The following USP22 variants were observed in gnomAD, a reference collection of about 807,000 sequenced individuals.
USP22 encodes the protein ubiquitin carboxyl-terminal hydrolase 22.
USP22 carries 22 observed loss-of-function variants against 68.1 expected under a neutral mutation model. The observed-to-expected ratio is 0.32, with a 90% CI of 0.23 to 0.46. The LOEUF is 0.46. Among genes scored for constraint, USP22 ranks in the 20% least tolerant of loss-of-function variants. The pLI is 1.00. For synonymous variants in USP22, 279 were observed against 274.2 expected (o/e 1.02, Z -0.17); for missense variants, 433 against 695.8 (o/e 0.62, Z 4.25).
chr17:21,024,288 T>G (rs997424162), intron 2 of USP22, among the ~76,000 whole-genome samples: 1 of 152,138 alleles, frequency 6.6e-6, no homozygotes, highest in African/African-American at 2.4e-5. Flanking sequence ...AGCCCACACA[T>G]GTAGCTGACA....
chr17:21,004,783 G>A (rs1456310584), intron 11 of USP22, 145 bp downstream of exon 11: 2 of 143,072 alleles, frequency 1.4e-5, no homozygotes, highest in African/African-American at 6.9e-5. Context: ...GGAGCTGCGG[G>A]CAGCCAATAG....
At chr17:21,013,122 T>G (rs1447233527) in intron 6 of USP22, among the ~76,000 whole-genome samples, 187 bp from the exon 7 acceptor site, 1 of 152,198 alleles carries the variant, frequency 6.6e-6, no homozygotes, top group East Asian at 1.9e-4. Flanking sequence ...ATCACAGCAC[T>G]TGGATTTTCA....
At chr17:21,027,331 G>T (rs377745675) in intron 2 of USP22, among the ~76,000 whole-genome samples, 13 of 129,752 alleles carry the variant, frequency 1.0e-4, no homozygotes, top group Admixed American at 7.8e-4. Flanking sequence ...TATCTGTGTC[G>T]TCAGCCTCAG....
Position 21,004,777 on chromosome 17 carries a change from CTGCGGGCAGCCAATAG to C in USP22, c.1385+135_1385+150del. 4 of 87,220 alleles carry C rather than the reference CTGCGGGCAGCCAATAG, an allele frequency of 4.6e-5. 1 individual carries two copies. The highest frequency in any genetic ancestry group is 9.5e-5 in the Non-Finnish European group (3 of 31,450). 5.4% of individuals were successfully genotyped at this position (87,220 alleles called of 1,614,324 possible). A position where few individuals can be genotyped will look rare whatever the true frequency, so the allele number is the denominator to read the frequency against. ...CGTGGAGCGGCCTTTCCTAGTGGAG[CTGCGGGCAGCCAATAG>C]TGGAGCTGCGGGCAGCCAAGCGGGA... On this transcript the variant is annotated intron_variant, in intron 11 of 12. Transcript: ENST00000261497.
rs1470494070 is a variant in USP22 at position 21,042,903 on chromosome 17, T to C, written c.-68A>G. 1.8e-6 allele frequency: 2 copies of C among 1,089,522 alleles called. No homozygotes were observed. Among genetic ancestry groups the C allele is most frequent in the African/African-American group, 1.7e-5 (1 of 60,580 alleles). 67.5% of individuals were successfully genotyped at this position (1,089,522 alleles called of 1,614,324 possible). ...AGGCGAGGACGACGCCAGCGCGGCGTGGGGGCTGCTCGGCGGCTGGCCAGG... is the reference window on the plus strand; with the variant it reads ...AGGCGAGGACGACGCCAGCGCGGCGCGGGGGCTGCTCGGCGGCTGGCCAGG... On this transcript the variant is annotated 5_prime_UTR_variant, in exon 1 of 13. Coordinates refer to ENST00000261497, the MANE Select transcript of USP22 (RefSeq NM_015276.2).
intron 1 of USP22, among the ~76,000 whole-genome samples, chr17:21,030,413 T>C (rs116869476): frequency 0.014 from 2,060 of 152,164 alleles, 20 homozygotes; most frequent in Non-Finnish European, 0.02. Flanking sequence ...TATGTATGCA[T>C]GCACACGTGT....
At chr17:21,040,597 G>A (rs1440405448) in intron 1 of USP22, among the ~76,000 whole-genome samples, 2 of 151,320 alleles carry the variant, frequency 1.3e-5, no homozygotes, top group South Asian at 2.1e-4. Context: ...AGAGCCATAA[G>A]TAGCGCAAAA....
chr17:21,025,671 G>C (rs1972210728), intron 2 of USP22, among the ~76,000 whole-genome samples: 1 of 152,186 alleles, frequency 6.6e-6, no homozygotes, highest in South Asian at 2.1e-4. Context: ...CCATACAAAG[G>C]AATGAAATAC....
In USP22 at chr17:21,039,866, A is replaced by C. The variant is rs1033162963; in HGVS notation, c.171+2799T>G. On this transcript the variant is annotated intron_variant, in intron 1 of 12. Coordinates refer to ENST00000261497, the MANE Select transcript of USP22 (RefSeq NM_015276.2). ...TGTCCAGGCTGGAGTACAGTGGCAC[A>C]ATCATCAGCTTAAAGTACTTTTACA... Among the ~76,000 whole-genome samples the C allele has an allele frequency of 5.9e-5, 9 of 152,262 alleles. 1 individual carries two copies. The highest frequency in any genetic ancestry group is 2.2e-4 in the African/African-American group (9 of 41,556).
chr17:21,026,575 C>G (rs1050467303), intron 2 of USP22, among the ~76,000 whole-genome samples: 1 of 152,006 alleles, frequency 6.6e-6, no homozygotes, highest in Admixed American at 6.6e-5. Context: ...CTGCCAACCT[C>G]AGCCTCCCGA....
intron 2 of USP22, among the ~76,000 whole-genome samples, chr17:21,027,883 G>A (rs948830290): frequency 6.6e-6 from 1 of 152,126 alleles, no homozygotes; most frequent in Non-Finnish European, 1.5e-5. Flanking sequence ...CAGGAGAACT[G>A]CTTGAATCCA....
intron 8 of USP22, among the ~76,000 whole-genome samples, chr17:21,008,544 A>G (rs1003327044): frequency 2.6e-5 from 4 of 152,148 alleles, no homozygotes; most frequent in African/African-American, 9.7e-5. Flanking sequence ...TTCAGTTGAC[A>G]TGACATTCTG....
chr17:21,035,149 A>C (rs1972337699), intron 1 of USP22, among the ~76,000 whole-genome samples: 1 of 152,216 alleles, frequency 6.6e-6, no homozygotes, highest in South Asian at 2.1e-4. Flanking sequence ...CTCACCTCAC[A>C]CAACTGTCAA....
rs1597704597 is a variant in USP22, at chr17:21,041,934, G to A, written c.171+731C>T. Among the ~76,000 whole-genome samples, 4 of 152,304 alleles carry A rather than the reference G, an allele frequency of 2.6e-5. No homozygotes were observed. The South Asian group carries it at 8.3e-4, about 32-fold the overall frequency. On this transcript the variant is annotated intron_variant, in intron 1 of 12. Coordinates refer to ENST00000261497, the MANE Select transcript of USP22 (RefSeq NM_015276.2). ...CTCAGCCGCAACGCAAACCCGGGCT[G>A]TGGCTCCGCACCCACAGGCTCGCCC...
At chr17:21,022,312 C>A (rs1455742010) in intron 2 of USP22, among the ~76,000 whole-genome samples, 1 of 149,128 alleles carries the variant, frequency 6.7e-6, no homozygotes, top group Non-Finnish European at 1.5e-5. Flanking sequence ...TCAACATAAA[C>A]CTTTATTTTA....
At chr17:21,040,016 T>C (rs978419607) in intron 1 of USP22, among the ~76,000 whole-genome samples, 8 of 152,058 alleles carry the variant, frequency 5.3e-5, no homozygotes, top group South Asian at 4.1e-4. Context: ...CTGTGCAATA[T>C]AGTGAGACAC....
chr17:21,012,800 A>C (rs1294471761), intron 7 of USP22, 30 bp downstream of exon 7: 3 of 1,597,830 alleles, frequency 1.9e-6, no homozygotes, highest in South Asian at 2.2e-5. Flanking sequence ...AGAGGGTTTG[A>C]TATTGCCGAG....
Position 21,018,890 on chromosome 17 carries a change from C to T in USP22, c.520+194G>A, listed in dbSNP as rs9904417. On this transcript the variant is annotated intron_variant, in intron 4 of 12. Transcript: ENST00000261497. ...TGAGGGCAGGGCTGTTGCTACGCAT[C>T]ACTCTGCGCCCCAAGCCCACTGCAG... Among the ~76,000 whole-genome samples the T allele has an allele frequency of 2.4e-3, 359 of 152,312 alleles. 3 individuals carry two copies. The highest frequency in any genetic ancestry group is 8.4e-3 in the African/African-American group (349 of 41,554).
Position 20,999,980 on chromosome 17 carries a change from C to G in USP22, c.*3051G>C, listed in dbSNP as rs1294223409. ...CCAAGGTCCACAGAGGGCCCCGGGGCCAGAGGGAGGCCGCCCACACTCCCA... is the reference window on the plus strand; with the variant it reads ...CCAAGGTCCACAGAGGGCCCCGGGGGCAGAGGGAGGCCGCCCACACTCCCA... On this transcript the variant is annotated 3_prime_UTR_variant, in exon 13 of 13. Transcript: ENST00000261497. The G allele has an allele frequency of 6.6e-6, 1 of 152,338 alleles. No individual in the cohort carries two copies. Among genetic ancestry groups the G allele is most frequent in the Non-Finnish European group, 1.5e-5 (1 of 68,200 alleles). 9.4% of individuals were successfully genotyped at this position (152,338 alleles called of 1,614,324 possible).
Sources: allele counts gnomAD v4.1 joint callset (sites outside exome capture counted in the v4.1 genomes callset), GRCh38; gene constraint gnomAD v4.1.1; transcripts MANE v1.5; gene names NCBI Gene and HGNC (gene_info 2026-07-23, HGNC 2026-07-21).